Variants in GIGYF2 observed in about 807,000 individuals in gnomAD.
GIGYF2 encodes the protein GRB10-interacting GYF protein 2.
In GIGYF2, 25 loss-of-function variants were observed where a neutral mutation model predicts 208.1. That is an observed-to-expected ratio of 0.12 (90% CI 0.09 to 0.17). The LOEUF is 0.17. GIGYF2 is among the 10% of genes least tolerant of loss of function. GIGYF2 has a pLI of 1.00. For missense variants in GIGYF2, 1,302 were observed against 1,579.4 expected, an observed-to-expected ratio of 0.82 and a Z score of 2.98; for synonymous variants, 534 against 543.8, an observed-to-expected ratio of 0.98 and a Z score of 0.25.
chr2:232,825,714 A>G (rs928394481), intron 21 of GIGYF2, among the ~76,000 whole-genome samples: 1 of 149,740 alleles, frequency 6.7e-6, no homozygotes, highest in Non-Finnish European at 1.5e-5. Flanking sequence ...ATTGACTCCA[A>G]TTTTTTTTTT....
At chr2:232,838,779 C>A (rs183967122) in intron 22 of GIGYF2, among the ~76,000 whole-genome samples, 14 of 152,068 alleles carry the variant, frequency 9.2e-5, no homozygotes, top group Non-Finnish European at 1.0e-4. Flanking sequence ...CTCAACACCT[C>A]CCTCCCCCAG....
chr2:232,736,385 A>G (rs745582016), intron 3 of GIGYF2: 69 of 204,050 alleles, frequency 3.4e-4, no homozygotes, highest in Non-Finnish European at 4.5e-4. Flanking sequence ...ACCTTGGTGT[A>G]TCTTTCCAGG....
chr2:232,736,294 C>A, intron 3 of GIGYF2: 1 of 498,602 alleles, frequency 2.0e-6, no homozygotes, highest in South Asian at 8.6e-5. Flanking sequence ...TTCTTAGTAT[C>A]AAATTAATAT....
At chr2:232,737,584 G>GT (rs1277979966) in intron 3 of GIGYF2, among the ~76,000 whole-genome samples, 7 of 152,284 alleles carry the variant, frequency 4.6e-5, no homozygotes, top group African/African-American at 1.4e-4. Flanking sequence ...GAAAGTTGCA[G>GT]TAGGAGTAGA....
intron 2 of GIGYF2, among the ~76,000 whole-genome samples, chr2:232,713,992 C>G (rs2106261041): frequency 6.7e-6 from 1 of 149,830 alleles, no homozygotes; most frequent in African/African-American, 2.5e-5. Context: ...CTCTGTCACC[C>G]AGGCTGGAGT....
At chr2:232,797,560 A>G (rs1700262616) in intron 14 of GIGYF2, among the ~76,000 whole-genome samples, 1 of 151,896 alleles carries the variant, frequency 6.6e-6, no homozygotes. Context: ...AATCATAGCT[A>G]TATATGTAAT....
At chr2:232,797,420 T>G (rs1024766188) in intron 14 of GIGYF2, among the ~76,000 whole-genome samples, 1 of 151,850 alleles carries the variant, frequency 6.6e-6, no homozygotes, top group Non-Finnish European at 1.5e-5. Context: ...TTCACAGCAT[T>G]TATTACTACC....
chr2:232,805,051 G>A (rs1245981280), intron 14 of GIGYF2, among the ~76,000 whole-genome samples: 1 of 151,690 alleles, frequency 6.6e-6, no homozygotes, highest in Admixed American at 6.6e-5. Flanking sequence ...TGATCTGTGA[G>A]ATTTTGGTAC....
At chr2:232,830,505 CA>C (rs1315317624) in intron 21 of GIGYF2, among the ~76,000 whole-genome samples, 1 of 152,082 alleles carries the variant, frequency 6.6e-6, no homozygotes, top group Non-Finnish European at 1.5e-5. Context: ...ATATAATACA[CA>C]GAGCTTCCAT....
intron 14 of GIGYF2, among the ~76,000 whole-genome samples, chr2:232,804,318 C>A (rs1428602739): frequency 6.7e-6 from 1 of 148,466 alleles, no homozygotes; most frequent in African/African-American, 2.5e-5. Context: ...TGATTTCTTT[C>A]ATCAGTGTTG....
At chr2:232,820,262 C>T (rs1253764338) in intron 21 of GIGYF2, among the ~76,000 whole-genome samples, 1 of 150,906 alleles carries the variant, frequency 6.6e-6, no homozygotes, top group African/African-American at 2.4e-5. Flanking sequence ...AAGCAAGTTT[C>T]AAACTAAAGC....
intron 18 of GIGYF2, 145 bp from the exon 19 acceptor site, chr2:232,815,492 A>G: frequency 1.4e-6 from 1 of 693,258 alleles, no homozygotes; most frequent in Non-Finnish European, 2.7e-6. Context: ...GTCCATTGGC[A>G]GTTCAGTCTT....
chr2:232,841,484 T>A (rs918543516), intron 23 of GIGYF2, among the ~76,000 whole-genome samples: 8 of 145,012 alleles, frequency 5.5e-5, no homozygotes, highest in Admixed American at 1.4e-4. Context: ...TTTTTTTTTT[T>A]AAGTATTTTT....
At chr2:232,738,160 G>A (rs1325482141) in intron 3 of GIGYF2, among the ~76,000 whole-genome samples, 9 of 151,928 alleles carry the variant, frequency 5.9e-5, no homozygotes, top group Non-Finnish European at 7.4e-5. Context: ...CAGGTGATCC[G>A]TCTACCTTGT....
chr2:232,780,302 TTAA>T (rs1699669685), intron 8 of GIGYF2, among the ~76,000 whole-genome samples: 1 of 152,216 alleles, frequency 6.6e-6, no homozygotes, highest in Non-Finnish European at 1.5e-5. Flanking sequence ...CTATTTGGAC[TTAA>T]TAAACTAAGA....
intron 8 of GIGYF2, among the ~76,000 whole-genome samples, chr2:232,774,172 T>C (rs1004276531): frequency 3.3e-5 from 5 of 151,960 alleles, no homozygotes; most frequent in Non-Finnish European, 7.4e-5. Flanking sequence ...AAGTGGTGGA[T>C]ATGAATATTA....
intron 21 of GIGYF2, among the ~76,000 whole-genome samples, chr2:232,828,023 C>G (rs1014684947): frequency 6.6e-6 from 1 of 152,044 alleles, no homozygotes; most frequent in Non-Finnish European, 1.5e-5. Flanking sequence ...GGGTCTCACT[C>G]TGTCACCCAG....
intron 16 of GIGYF2, chr2:232,810,868 T>A (rs7598524): frequency 0.02 from 4,948 of 250,826 alleles, 259 homozygotes; most frequent in African/African-American, 0.11. Context: ...GTCATATGGT[T>A]AAAGCTACTA....
At chr2:232,826,749 G>C (rs373009468) in intron 21 of GIGYF2, among the ~76,000 whole-genome samples, 2 of 152,252 alleles carry the variant, frequency 1.3e-5, no homozygotes. Flanking sequence ...TTTGAAAGAA[G>C]TTCTACCCTA....
Sources: gnomAD v4.1 joint callset for allele counts (sites outside exome capture counted in the v4.1 genomes callset) on GRCh38, gnomAD v4.1.1 for gene constraint, MANE v1.5 for transcripts, NCBI Gene and HGNC (gene_info 2026-07-23, HGNC 2026-07-21) for gene names.